Variants in RABGAP1L observed in about 807,000 individuals in gnomAD.
RABGAP1L encodes RAB GTPase activating protein 1 like, also known as rab GTPase-activating protein 1-like.
Under a neutral mutation model 137.7 loss-of-function variants are expected in RABGAP1L, and 63 were observed. The ratio of observed to expected loss-of-function variants is 0.46; its 90% CI spans 0.37 to 0.56. RABGAP1L has a LOEUF of 0.56. Among genes scored for constraint, RABGAP1L ranks in the 20% least tolerant of loss-of-function variants. RABGAP1L has a pLI of 0.00. For missense variants in RABGAP1L, 1,095 were observed against 1,244.0 expected, an observed-to-expected ratio of 0.88 and a Z score of 1.80; for synonymous variants, 431 against 433.7, an observed-to-expected ratio of 0.99 and a Z score of 0.08.
At chr1:174,657,265 A>G (rs1239403661) in intron 14 of RABGAP1L, among the ~76,000 whole-genome samples, 3 of 152,182 alleles carry the variant, frequency 2.0e-5, no homozygotes, top group African/African-American at 2.4e-5. Context: ...AGAATATTCA[A>G]TATCTTCCTT....
rs1220774127 is a variant in RABGAP1L at position 174,483,212 on chromosome 1, A to G, written c.1710+89067A>G. On this transcript the variant is annotated intron_variant, in intron 13 of 25. Transcript: ENST00000681986. ...ACTATAGTTACCCTGTTATGCTAGC[A>G]AATACTAGGTTTTACTCATACTTTC... 5.3e-5 allele frequency among the ~76,000 whole-genome samples: 8 copies of G among 152,248 alleles called. No individual in the cohort carries two copies. In the East Asian group the frequency reaches 1.2e-3, roughly 22 times the overall value.
At chr1:174,565,324 T>TC (rs1420950525) in intron 13 of RABGAP1L, among the ~76,000 whole-genome samples, 8 of 152,184 alleles carry the variant, frequency 5.3e-5, no homozygotes, top group Admixed American at 1.3e-4. Context: ...TTCACTCCAC[T>TC]TAATTAATAT....
chr1:174,484,127 T>A lies in RABGAP1L; in HGVS notation c.1710+89982T>A, dbSNP rs542152910. ...CTGGGGTGAAAAGATATCTCGTAGT[T>A]TTGATTTGCATTTCTCTGATGATCA... On this transcript the variant is annotated intron_variant, in intron 13 of 25. Coordinates refer to ENST00000681986, the MANE Select transcript of RABGAP1L (RefSeq NM_001366446.1). 3.9e-5 allele frequency among the ~76,000 whole-genome samples: 6 copies of A among 152,288 alleles called. No homozygotes were observed. In the East Asian group the frequency reaches 1.2e-3, roughly 29 times the overall value.
At chr1:174,538,265 A>G (rs533135069) in intron 13 of RABGAP1L, among the ~76,000 whole-genome samples, 8 of 152,144 alleles carry the variant, frequency 5.3e-5, no homozygotes, top group Non-Finnish European at 1.0e-4. Context: ...CTGCTTTTCA[A>G]CCTAGGAGTA....
At chr1:174,790,784 T>G (rs1476702943) in intron 18 of RABGAP1L, among the ~76,000 whole-genome samples, 3 of 145,954 alleles carry the variant, frequency 2.1e-5, no homozygotes, top group Non-Finnish European at 4.5e-5. Context: ...TGTGTGTGTG[T>G]GGGCAGGGGG....
intron 13 of RABGAP1L, among the ~76,000 whole-genome samples, chr1:174,395,939 G>T (rs917549944): frequency 1.3e-5 from 2 of 151,722 alleles, no homozygotes; most frequent in Non-Finnish European, 2.9e-5. Context: ...AATGATGTAC[G>T]TCTACTTGGG....
intron 13 of RABGAP1L, chr1:174,545,699 CT>C: frequency 1.3e-5 from 2 of 153,186 alleles, no homozygotes; most frequent in Non-Finnish European, 2.9e-5. Flanking sequence ...GGAGCTGTTC[CT>C]TTTTGGCCAT....
chr1:174,439,747 T>C (rs1055559672), intron 13 of RABGAP1L, among the ~76,000 whole-genome samples: 1 of 152,288 alleles, frequency 6.6e-6, no homozygotes, highest in African/African-American at 2.4e-5. Context: ...TTTGATAGAC[T>C]CTTTTAGCTA....
rs1219947635 is a variant in RABGAP1L at position 174,448,170 on chromosome 1, A to G, written c.1710+54025A>G. On this transcript the variant is annotated intron_variant, in intron 13 of 25. Transcript: ENST00000681986. This position sits in a 1 kb window ranked among gnomAD's most constrained non-coding sequence, Gnocchi z 4.2. Reference sequence around the variant, plus strand: ...CTGAACATGAGCAGTGGCATTGTGAATGTGTCCGAGCGTCACTCCTGCCCA... The same window carrying G: ...CTGAACATGAGCAGTGGCATTGTGAGTGTGTCCGAGCGTCACTCCTGCCCA... The G allele has an allele frequency of 6.2e-7, 1 of 1,613,552 alleles. No individual in the cohort carries two copies. Among genetic ancestry groups the G allele is most frequent in the South Asian group, 1.1e-5 (1 of 91,052 alleles).
chr1:174,805,917 A>G (rs1689250079), intron 18 of RABGAP1L, among the ~76,000 whole-genome samples: 1 of 152,202 alleles, frequency 6.6e-6, no homozygotes, highest in African/African-American at 2.4e-5. Flanking sequence ...TCTGGCTAAC[A>G]TTACTTAACT....
chr1:174,773,074 A>T (rs1487032215), intron 18 of RABGAP1L, among the ~76,000 whole-genome samples: 1 of 152,184 alleles, frequency 6.6e-6, no homozygotes, highest in African/African-American at 2.4e-5. Context: ...AAACTTGGTT[A>T]AAGTCATTCA....
intron 19 of RABGAP1L, among the ~76,000 whole-genome samples, chr1:174,946,259 C>T (rs1666744380): frequency 6.6e-6 from 1 of 152,130 alleles, no homozygotes; most frequent in Non-Finnish European, 1.5e-5. Context: ...GGTTTGAGAG[C>T]TATGCATGTT....
chr1:174,482,206 C>G (rs1001248620), intron 13 of RABGAP1L, among the ~76,000 whole-genome samples: 16 of 152,168 alleles, frequency 1.1e-4, no homozygotes, highest in African/African-American at 3.9e-4. Context: ...AGATTTCCCC[C>G]CAGAGCCTCC....
At chr1:174,611,921 T>C (rs955042871) in intron 13 of RABGAP1L, among the ~76,000 whole-genome samples, 11 of 152,378 alleles carry the variant, frequency 7.2e-5, no homozygotes, top group African/African-American at 2.6e-4. Flanking sequence ...CCTGAGACTT[T>C]GCTGAAGTTG....
intron 13 of RABGAP1L, among the ~76,000 whole-genome samples, chr1:174,456,527 G>A (rs1187586157): frequency 6.6e-6 from 1 of 152,010 alleles, no homozygotes; most frequent in African/African-American, 2.4e-5. Context: ...AGATTTTGAT[G>A]TTTCAGGCTA....
intron 4 of RABGAP1L, among the ~76,000 whole-genome samples, chr1:174,239,727 G>C (rs1671623939): frequency 6.6e-6 from 1 of 152,140 alleles, no homozygotes; most frequent in Admixed American, 6.5e-5. Context: ...GTGATTCATT[G>C]TAAGATTTTA....
Position 174,702,208 on chromosome 1 carries a change from G to A in RABGAP1L, c.2121G>A (p.Lys707=). The part of the protein sequence containing the change: ...SQWFLTLFTA[K]FPLCMVFHII... ...GGTTTCTCACTCTTTTTACTGCCAA[G>A]TTCCCACTCTGCATGGTGTTCCACA... Residue 707 remains lysine (K), a synonymous_variant, in exon 17 of 26, where the codon AAG becomes AAA. Coordinates refer to ENST00000681986, the MANE Select transcript of RABGAP1L (RefSeq NM_001366446.1). 4 of 1,612,616 alleles carry A rather than the reference G, an allele frequency of 2.5e-6. No homozygotes were observed. The highest frequency in any genetic ancestry group is 3.4e-6 in the Non-Finnish European group (4 of 1,179,230).
intron 1 of RABGAP1L, among the ~76,000 whole-genome samples, chr1:174,193,549 A>C (rs1667360124): frequency 6.6e-6 from 1 of 152,116 alleles, no homozygotes; most frequent in Non-Finnish European, 1.5e-5. Context: ...CCAAAATAGA[A>C]AACCTGTCTC....
At chr1:174,582,599 G>A (rs2148093506) in intron 13 of RABGAP1L, among the ~76,000 whole-genome samples, 1 of 152,254 alleles carries the variant, frequency 6.6e-6, no homozygotes, top group Non-Finnish European at 1.5e-5. Flanking sequence ...GAGATGGAGG[G>A]AATGTTTAGC....
Sources: allele counts gnomAD v4.1 joint callset (sites outside exome capture counted in the v4.1 genomes callset), GRCh38; gene constraint gnomAD v4.1.1; non-coding constraint Gnocchi (gnomAD v3.1); transcripts MANE v1.5; gene names NCBI Gene and HGNC (gene_info 2026-07-23, HGNC 2026-07-21).